Variants in VWA8 observed in about 807,000 individuals in gnomAD.
The protein encoded by VWA8 is von Willebrand factor A domain containing 8, also known as von Willebrand factor A domain-containing protein 8.
In VWA8, 221 loss-of-function variants were observed where a neutral mutation model predicts 241.5. That is an observed-to-expected ratio of 0.91 (90% CI 0.82 to 1.02). The LOEUF (loss-of-function observed/expected upper bound fraction) is 1.02. Among genes scored for constraint, VWA8 ranks in the 50% least tolerant of loss-of-function variants. VWA8 has a pLI of 0.00. For synonymous variants in VWA8, 852 were observed against 827.1 expected, an observed-to-expected ratio of 1.03 and a Z score of -0.52; for missense variants, 2,322 against 2,328.7, an observed-to-expected ratio of 1.00 and a Z score of 0.06.
rs972517325 is a variant in VWA8, at chr13:41,744,827, A to T, written c.2427-12672T>A. 1.8e-4 allele frequency among the ~76,000 whole-genome samples: 28 copies of T among 151,776 alleles called. 1 individual carries two copies. Among genetic ancestry groups the T allele is most frequent in the Non-Finnish European group, 2.9e-5 (2 of 67,918 alleles). On this transcript the variant is annotated intron_variant, in intron 21 of 44. Coordinates refer to ENST00000379310, the MANE Select transcript of VWA8 (RefSeq NM_015058.2). ...TAATACTGACTTGTTTAATTTATTT[A>T]TTTTTATTTATTTATTTATTTATTT...
chr13:41,579,550 C>CT (rs1489416099), intron 42 of VWA8, among the ~76,000 whole-genome samples: 2 of 152,204 alleles, frequency 1.3e-5, no homozygotes, highest in Admixed American at 6.5e-5. Context: ...TAGAAAGTCT[C>CT]TAACACTGTA....
rs1355104296 is a variant in VWA8 at position 41,721,552 on chromosome 13, C to A, written c.2782G>T (p.Val928Phe). ...TLGDIFSCHAVDNPKPHSELE... is the reference protein window; with the variant it reads ...TLGDIFSCHAFDNPKPHSELE... ...TCCGAGTGGGGTTTGGGGTTATCAACTGCATGGCAGCTAAAAATATCACCT... is the reference window on the plus strand; with the variant it reads ...TCCGAGTGGGGTTTGGGGTTATCAAATGCATGGCAGCTAAAAATATCACCT... The change falls in exon 25 of 45, where the codon GTT becomes TTT. Residue 928 changes from valine to phenylalanine, a missense_variant. Val to Phe is a conservative substitution (Grantham distance 50). Transcript: ENST00000379310. 1 of 1,613,072 alleles carries A rather than the reference C, an allele frequency of 6.2e-7. No homozygotes were observed. The highest frequency in any genetic ancestry group is 2.2e-5 in the East Asian group (1 of 44,872).
chr13:41,949,908 C>T, intron 2 of VWA8, 28 bp downstream of exon 2: 1 of 1,316,008 alleles, frequency 7.6e-7, no homozygotes, highest in Non-Finnish European at 1.1e-6. Flanking sequence ...AAAAGTTATT[C>T]ATTCATATAT....
At chr13:41,924,203 T>C (rs1030754695) in intron 2 of VWA8, among the ~76,000 whole-genome samples, 3 of 151,820 alleles carry the variant, frequency 2.0e-5, no homozygotes, top group Non-Finnish European at 4.4e-5. Context: ...AACAAGCAGA[T>C]AGATATCATA....
chr13:41,576,496 G>GAAAC (rs2044351206), intron 42 of VWA8, among the ~76,000 whole-genome samples: 1 of 152,168 alleles, frequency 6.6e-6, no homozygotes, highest in African/African-American at 2.4e-5. Context: ...TAAATGGAAA[G>GAAAC]AAACAGAAAA....
intron 21 of VWA8, among the ~76,000 whole-genome samples, chr13:41,758,638 T>C (rs1220654321): frequency 6.6e-6 from 1 of 150,568 alleles, no homozygotes; most frequent in Non-Finnish European, 1.5e-5. Flanking sequence ...TACACATTCA[T>C]GCAATTGTGT....
intron 37 of VWA8, among the ~76,000 whole-genome samples, chr13:41,650,434 G>A (rs1566402118): frequency 6.6e-6 from 1 of 152,182 alleles, no homozygotes; most frequent in Non-Finnish European, 1.5e-5. Context: ...ACATGAACCA[G>A]GGTGGGATTG....
chr13:41,907,260 CT>C (rs1311412932), intron 4 of VWA8, among the ~76,000 whole-genome samples: 4 of 152,122 alleles, frequency 2.6e-5, no homozygotes, highest in Admixed American at 6.5e-5. Context: ...GCTAGAGAAT[CT>C]CCTATATCAA....
At chr13:41,666,303 C>T (rs764321332) in intron 37 of VWA8, among the ~76,000 whole-genome samples, 1 of 152,110 alleles carries the variant, frequency 6.6e-6, no homozygotes, top group Non-Finnish European at 1.5e-5. Context: ...ACTGGGATAA[C>T]TGCAGGCTTC....
chr13:41,649,714 T>C (rs1297628424), intron 37 of VWA8, among the ~76,000 whole-genome samples: 2 of 152,150 alleles, frequency 1.3e-5, no homozygotes, highest in Non-Finnish European at 2.9e-5. Context: ...CCTCTAACTT[T>C]ATAATATCTG....
At chr13:41,903,113 A>T (rs1456767918) in intron 4 of VWA8, among the ~76,000 whole-genome samples, 1 of 152,214 alleles carries the variant, frequency 6.6e-6, no homozygotes, top group Non-Finnish European at 1.5e-5. Context: ...CTTTCGGTGT[A>T]ACAAATATAC....
At chr13:41,709,240 T>C (rs1264304273) in intron 26 of VWA8, among the ~76,000 whole-genome samples, 1 of 152,218 alleles carries the variant, frequency 6.6e-6, no homozygotes, top group Non-Finnish European at 1.5e-5. Context: ...AGAGTAAGCC[T>C]TACATATTAC....
intron 12 of VWA8, among the ~76,000 whole-genome samples, chr13:41,852,252 G>C (rs1247781746): frequency 1.3e-5 from 2 of 152,134 alleles, no homozygotes; most frequent in Admixed American, 6.5e-5. Context: ...AAATGCCTGA[G>C]AAATGTCTAT....
intron 18 of VWA8, 42 bp from the exon 19 acceptor site, chr13:41,783,943 T>A (rs1869019360): frequency 6.6e-7 from 1 of 1,516,474 alleles, no homozygotes; most frequent in Non-Finnish European, 9.1e-7. Context: ...CATAGCACTG[T>A]CCTCAGAGAT....
chr13:41,783,100 A>G (rs1352095095), intron 19 of VWA8, among the ~76,000 whole-genome samples: 1 of 151,042 alleles, frequency 6.6e-6, no homozygotes, highest in Non-Finnish European at 1.5e-5. Flanking sequence ...AAAGAGGATG[A>G]TAGCTCTGCT....
intron 18 of VWA8, among the ~76,000 whole-genome samples, chr13:41,784,727 T>TATATATATATATAA: frequency 2.9e-5 from 2 of 69,032 alleles, no homozygotes; most frequent in East Asian, 3.8e-4. Context: ...TATATATATA[T>TATATATATATATAA]ATACACACAC....
intron 37 of VWA8, among the ~76,000 whole-genome samples, chr13:41,667,324 A>C (rs1336349223): frequency 6.6e-6 from 1 of 152,228 alleles, no homozygotes; most frequent in East Asian, 1.9e-4. Flanking sequence ...TAATAGTGCT[A>C]AACATAAATT....
chr13:41,621,951 A>G (rs2044659773), intron 37 of VWA8, among the ~76,000 whole-genome samples: 1 of 152,156 alleles, frequency 6.6e-6, no homozygotes, highest in Admixed American at 6.5e-5. Context: ...ACCAACCCCA[A>G]ATAGGAGCCC....
At chr13:41,671,975 A>G (rs1220098447) in intron 36 of VWA8, among the ~76,000 whole-genome samples, 2 of 152,218 alleles carry the variant, frequency 1.3e-5, no homozygotes, top group Non-Finnish European at 2.9e-5. Flanking sequence ...ATCTGTAAGA[A>G]GCAAAAATAC....
Sources: gnomAD v4.1 joint callset for allele counts (sites outside exome capture counted in the v4.1 genomes callset) on GRCh38, gnomAD v4.1.1 for gene constraint, MANE v1.5 for transcripts, NCBI Gene and HGNC (gene_info 2026-07-23, HGNC 2026-07-21) for gene names.